Variants in CSRNP3 observed in about 807,000 individuals in gnomAD.
The protein encoded by CSRNP3 is cysteine and serine rich nuclear protein 3.
A neutral mutation model predicts 48.0 loss-of-function variants in CSRNP3; 12 were observed. The observed-to-expected ratio is 0.25, with a 90% CI of 0.16 to 0.41. The LOEUF is 0.41. Among genes scored for constraint, CSRNP3 ranks in the 10% least tolerant of loss-of-function variants. The pLI is 1.00. For synonymous variants in CSRNP3, 263 were observed against 269.7 expected (o/e 0.98, Z 0.24); for missense variants, 580 against 724.4 (o/e 0.80, Z 2.29).
At chr2:165,613,948 T>C (rs943353764) in intron 4 of CSRNP3, among the ~76,000 whole-genome samples, 4 of 151,896 alleles carry the variant, frequency 2.6e-5, no homozygotes, top group Admixed American at 1.3e-4. Flanking sequence ...ATGTCATTGG[T>C]GTTTGATAGA....
chr2:165,511,374 A>G (rs982577974), intron 2 of CSRNP3, among the ~76,000 whole-genome samples: 1 of 152,218 alleles, frequency 6.6e-6, no homozygotes, highest in Non-Finnish European at 1.5e-5. Flanking sequence ...ACATATTTGC[A>G]TACAAATGGG....
intron 2 of CSRNP3, among the ~76,000 whole-genome samples, chr2:165,496,538 C>G (rs1684285834): frequency 6.6e-6 from 1 of 151,972 alleles, no homozygotes; most frequent in Non-Finnish European, 1.5e-5. Flanking sequence ...TATTCTTACC[C>G]TTAGACAAGC....
intron 3 of CSRNP3, among the ~76,000 whole-genome samples, chr2:165,518,752 G>A (rs886371816): frequency 6.6e-6 from 1 of 151,822 alleles, no homozygotes; most frequent in Admixed American, 6.6e-5. Flanking sequence ...TGATTGTCTT[G>A]GTCAGGCATG....
At chr2:165,561,137 A>C (rs542955028) in intron 3 of CSRNP3, among the ~76,000 whole-genome samples, 2 of 152,138 alleles carry the variant, frequency 1.3e-5, no homozygotes, top group Non-Finnish European at 2.9e-5. Flanking sequence ...TCTGCAGTTA[A>C]ATAATAAAAA....
At chr2:165,649,642 G>A (rs1329252669) in intron 4 of CSRNP3, among the ~76,000 whole-genome samples, 1 of 152,176 alleles carries the variant, frequency 6.6e-6, no homozygotes, top group Non-Finnish European at 1.5e-5. Flanking sequence ...TCGTAATACA[G>A]GGAACCGAAT....
In CSRNP3 at chr2:165,616,184, A is replaced by G. The variant is rs546658637; in HGVS notation, c.148+20971A>G. ...CTGTTTACATTTAAGGTTCTTATTT[A>G]TAGGTGAGGACTTAATCCTATCATT... On this transcript the variant is annotated intron_variant, in intron 4 of 6. Coordinates refer to ENST00000651982, the MANE Select transcript of CSRNP3 (RefSeq NM_001172173.2). Among the ~76,000 whole-genome samples, 5 of 152,194 alleles carry G rather than the reference A, an allele frequency of 3.3e-5. No individual in the cohort carries two copies. The East Asian group carries it at 9.6e-4, about 29-fold the overall frequency.
intron 3 of CSRNP3, among the ~76,000 whole-genome samples, chr2:165,549,571 C>T (rs997231970): frequency 4.6e-5 from 7 of 152,110 alleles, no homozygotes; most frequent in African/African-American, 1.4e-4. Flanking sequence ...TTATTTTTCT[C>T]GATGAACTGT....
chr2:165,674,266 AAGTGCCATAC>A (rs1186892321), intron 5 of CSRNP3, among the ~76,000 whole-genome samples: 1 of 152,058 alleles, frequency 6.6e-6, no homozygotes, highest in East Asian at 1.9e-4. Flanking sequence ...AAACAAACCA[AAGTGCCATAC>A]AGTGGTAAGA....
chr2:165,662,627 A>G (rs767229889), intron 5 of CSRNP3, among the ~76,000 whole-genome samples: 3 of 152,246 alleles, frequency 2.0e-5, no homozygotes, highest in Non-Finnish European at 4.4e-5. Context: ...ATTCACATGT[A>G]TCTGTAAAGT....
Position 165,602,411 on chromosome 2 carries a change from T to G in CSRNP3, c.148+7198T>G, listed in dbSNP as rs75513581. ...ACAACCAATTAGCTTTGGCTTGGGGTACACAATCTGGGACCAGCTGCAGAT... is the reference window on the plus strand; with the variant it reads ...ACAACCAATTAGCTTTGGCTTGGGGGACACAATCTGGGACCAGCTGCAGAT... On this transcript the variant is annotated intron_variant, in intron 4 of 6. Transcript: ENST00000651982. Among the ~76,000 whole-genome samples, 123 of 152,308 alleles carry G rather than the reference T, an allele frequency of 8.1e-4. No individual in the cohort carries two copies. The East Asian group carries it at 0.014, about 18-fold the overall frequency.
chr2:165,516,715 T>A (rs901064828), intron 2 of CSRNP3, among the ~76,000 whole-genome samples: 1 of 152,136 alleles, frequency 6.6e-6, no homozygotes, highest in African/African-American at 2.4e-5. Context: ...CTCAATAACC[T>A]CTATTAGCTC....
intron 2 of CSRNP3, among the ~76,000 whole-genome samples, chr2:165,513,946 C>T (rs1684542185): frequency 6.6e-6 from 1 of 152,098 alleles, no homozygotes; most frequent in Non-Finnish European, 1.5e-5. Flanking sequence ...TCAATTAAGC[C>T]CCAAATATTA....
At chr2:165,668,401 C>CTTTTTTTTTTTTTTTTTTTT (rs71393687) in intron 5 of CSRNP3, among the ~76,000 whole-genome samples, 1 of 111,498 alleles carries the variant, frequency 9.0e-6, no homozygotes, top group Non-Finnish European at 1.8e-5. Flanking sequence ...TTCTTTCTTT[C>CTTTTTTTTTTTTTTTTTTTT]TTTTTTTTTT....
rs1374943477 is a variant in CSRNP3 at position 165,511,532 on chromosome 2, A to G, written c.-112-6341A>G. ...GGGAGGAGAAGGATGTTTCTTCATC[A>G]TAACATGATTGAAGACAGACTACAT... On this transcript the variant is annotated intron_variant, in intron 2 of 6. Transcript: ENST00000651982. Among the ~76,000 whole-genome samples the G allele has an allele frequency of 4.6e-5, 7 of 152,306 alleles. No homozygotes were observed. In the South Asian group the frequency reaches 8.3e-4, roughly 18 times the overall value.
At chr2:165,476,468 G>A (rs567778890) in intron 1 of CSRNP3, among the ~76,000 whole-genome samples, 2 of 152,192 alleles carry the variant, frequency 1.3e-5, no homozygotes, top group Non-Finnish European at 2.9e-5. Flanking sequence ...TGAAGGAAAA[G>A]GAGTGCTTAC....
chr2:165,576,573 A>G (rs762530059), intron 3 of CSRNP3, among the ~76,000 whole-genome samples: 69 of 152,196 alleles, frequency 4.5e-4, no homozygotes, highest in Non-Finnish European at 7.1e-4. Context: ...TGTGAGCCAC[A>G]AGAGAGCTAT....
intron 3 of CSRNP3, among the ~76,000 whole-genome samples, chr2:165,532,952 C>T (rs905695352): frequency 6.6e-6 from 1 of 152,082 alleles, no homozygotes; most frequent in Admixed American, 6.5e-5. Flanking sequence ...AGTGAATTCC[C>T]ATTCACAATT....
At chr2:165,555,543 TTCTTTTGGGCCTGTTTGCCAG>T (rs1347369543) in intron 3 of CSRNP3, among the ~76,000 whole-genome samples, 1 of 152,196 alleles carries the variant, frequency 6.6e-6, no homozygotes, top group Non-Finnish European at 1.5e-5. Context: ...ATTCAGCCTC[TTCTTTTGGGCCTGTTTGCCAG>T]ATACTGGACT....
intron 3 of CSRNP3, among the ~76,000 whole-genome samples, chr2:165,519,121 A>AT (rs1251808245): frequency 2.0e-5 from 3 of 152,052 alleles, no homozygotes; most frequent in Admixed American, 6.6e-5. Flanking sequence ...CACCCAAATG[A>AT]TTTTTTTATT....
Sources: gnomAD v4.1 joint callset for allele counts (sites outside exome capture counted in the v4.1 genomes callset) on GRCh38, gnomAD v4.1.1 for gene constraint, MANE v1.5 for transcripts, NCBI Gene and HGNC (gene_info 2026-07-23, HGNC 2026-07-21) for gene names.